The following SH3RF3 variants were observed in gnomAD, a reference collection of about 807,000 sequenced individuals.
SH3RF3 encodes the protein E3 ubiquitin-protein ligase SH3RF3.
SH3RF3 carries 29 observed loss-of-function variants against 66.3 expected under a neutral mutation model. That is an observed-to-expected ratio of 0.44 (90% CI 0.33 to 0.60). The LOEUF (loss-of-function observed/expected upper bound fraction) is 0.60, where lower values mean the gene tolerates loss of function less well. Among genes scored for constraint, SH3RF3 ranks in the 20% least tolerant of loss-of-function variants. The pLI is 0.04. For missense variants in SH3RF3, 1,194 were observed against 1,190.9 expected (o/e 1.00, Z -0.04); for synonymous variants, 583 against 532.0 (o/e 1.10, Z -1.32).
At chr2:109,324,313 A>G (rs1405960569) in intron 1 of SH3RF3, among the ~76,000 whole-genome samples, 1 of 152,130 alleles carries the variant, frequency 6.6e-6, no homozygotes, top group Admixed American at 6.5e-5. Flanking sequence ...CTGCTCTAGG[A>G]GTAGGGGTAC....
At chr2:109,381,211 G>A (rs139240952) in intron 3 of SH3RF3, among the ~76,000 whole-genome samples, 10 of 152,344 alleles carry the variant, frequency 6.6e-5, no homozygotes, top group Non-Finnish European at 1.3e-4. Flanking sequence ...GAACACCCAG[G>A]TGGCCCTGGA....
intron 5 of SH3RF3, among the ~76,000 whole-genome samples, chr2:109,424,807 A>G (rs772431980): frequency 2.0e-5 from 3 of 152,090 alleles, no homozygotes; most frequent in Non-Finnish European, 4.4e-5. Context: ...CCTTAGACAC[A>G]ACAATACTGA....
At chr2:109,135,623 A>G (rs538955860) in intron 1 of SH3RF3, among the ~76,000 whole-genome samples, 4 of 152,034 alleles carry the variant, frequency 2.6e-5, no homozygotes, top group Admixed American at 6.6e-5. Flanking sequence ...TTAGTATTCT[A>G]AGTTAAGGGT....
chr2:109,437,373 G>A (rs1334632862), intron 7 of SH3RF3, among the ~76,000 whole-genome samples: 1 of 151,630 alleles, frequency 6.6e-6, no homozygotes, highest in Non-Finnish European at 1.5e-5. Context: ...AGCACATCTT[G>A]TCATGCTCGT....
intron 1 of SH3RF3, among the ~76,000 whole-genome samples, chr2:109,219,205 G>A (rs545169908): frequency 6.6e-6 from 1 of 152,282 alleles, no homozygotes; most frequent in South Asian, 2.1e-4. Context: ...CCTGAACTTG[G>A]GAGCTTCCAT....
chr2:109,151,377 C>T (rs759312538), intron 1 of SH3RF3, among the ~76,000 whole-genome samples: 65 of 152,138 alleles, frequency 4.3e-4, no homozygotes, highest in Non-Finnish European at 8.4e-4. Flanking sequence ...AACAGGTGTT[C>T]AAATAAACCA....
At chr2:109,171,398 C>T (rs545069165) in intron 1 of SH3RF3, among the ~76,000 whole-genome samples, 7 of 152,152 alleles carry the variant, frequency 4.6e-5, no homozygotes, top group Non-Finnish European at 8.8e-5. Context: ...TATGAATATT[C>T]GGAGAAAATT....
chr2:109,423,503 A>G (rs1676937922), intron 5 of SH3RF3, among the ~76,000 whole-genome samples: 1 of 152,216 alleles, frequency 6.6e-6, no homozygotes, highest in Non-Finnish European at 1.5e-5. Context: ...AACACAAGAC[A>G]GGGGCACCTT....
intron 8 of SH3RF3, among the ~76,000 whole-genome samples, chr2:109,451,072 G>A (rs1168191620): frequency 6.6e-6 from 1 of 152,246 alleles, no homozygotes; most frequent in Non-Finnish European, 1.5e-5. Flanking sequence ...GGCCACACCA[G>A]GTTCCGCAGG....
intron 1 of SH3RF3, among the ~76,000 whole-genome samples, chr2:109,136,567 C>T (rs1337696633): frequency 1.3e-5 from 2 of 152,170 alleles, no homozygotes; most frequent in African/African-American, 2.4e-5. Context: ...GCTCTCCTGG[C>T]CCTTGATGGC....
chr2:109,339,519 A>G (rs1347847871), intron 1 of SH3RF3, among the ~76,000 whole-genome samples: 1 of 152,170 alleles, frequency 6.6e-6, no homozygotes, highest in Non-Finnish European at 1.5e-5. Context: ...TGTGCTGCCC[A>G]AAAGGCCGGT....
At chr2:109,421,426 A>G (rs1022332788) in intron 5 of SH3RF3, among the ~76,000 whole-genome samples, 1 of 152,232 alleles carries the variant, frequency 6.6e-6, no homozygotes, top group African/African-American at 2.4e-5. Flanking sequence ...AGGCTTAGCC[A>G]CCCAAGAAGG....
intron 1 of SH3RF3, among the ~76,000 whole-genome samples, chr2:109,285,254 G>T (rs1314135095): frequency 1.3e-5 from 2 of 152,248 alleles, no homozygotes; most frequent in African/African-American, 4.8e-5. Flanking sequence ...TCCACTCAGT[G>T]TGAAGGGCAG....
intron 1 of SH3RF3, among the ~76,000 whole-genome samples, chr2:109,156,987 A>G (rs571919061): frequency 2.2e-4 from 34 of 152,248 alleles, no homozygotes; most frequent in Non-Finnish European, 4.1e-4. Flanking sequence ...TTTCCCTCTG[A>G]AATCACACAT....
At chr2:109,362,515 G>T (rs530511143) in intron 2 of SH3RF3, among the ~76,000 whole-genome samples, 1 of 152,272 alleles carries the variant, frequency 6.6e-6, no homozygotes, top group East Asian at 1.9e-4. Context: ...TTCCCTGTGG[G>T]CTTGAAAAGA....
At chr2:109,413,568 C>T (rs1391570953) in intron 4 of SH3RF3, among the ~76,000 whole-genome samples, 2 of 152,164 alleles carry the variant, frequency 1.3e-5, no homozygotes, top group African/African-American at 4.8e-5. Flanking sequence ...GTCTCTCCCG[C>T]TCTAGAATGG....
At chr2:109,199,137 A>G (rs1007236844) in intron 1 of SH3RF3, among the ~76,000 whole-genome samples, 5 of 151,896 alleles carry the variant, frequency 3.3e-5, no homozygotes, top group African/African-American at 1.2e-4. Context: ...AGGCGGGTGG[A>G]TCACAAGGTC....
intron 7 of SH3RF3, among the ~76,000 whole-genome samples, chr2:109,438,477 G>A (rs547949261): frequency 1.1e-3 from 163 of 152,302 alleles, no homozygotes; most frequent in African/African-American, 3.8e-3. Flanking sequence ...CTTCATGGGT[G>A]GTCTGAGGAC....
intron 7 of SH3RF3, among the ~76,000 whole-genome samples, chr2:109,444,129 A>T (rs1477793221): frequency 6.6e-6 from 1 of 152,240 alleles, no homozygotes; most frequent in Non-Finnish European, 1.5e-5. Flanking sequence ...TTTGAAAACT[A>T]AACAGTTTAC....
Sources: allele counts gnomAD v4.1 joint callset (sites outside exome capture counted in the v4.1 genomes callset), GRCh38; gene constraint gnomAD v4.1.1; transcripts MANE v1.5; gene names NCBI Gene and HGNC (gene_info 2026-07-23, HGNC 2026-07-21).